LOC400499: variants seen among roughly 807,000 people sequenced by gnomAD.
At chr16:11,400,194 C>T in the LOC400499 span, among the ~76,000 whole-genome samples, 80 of 152,224 alleles carry the variant, frequency 5.3e-4, no homozygotes, top group African/African-American at 1.7e-3. Context: ...TCCCTGTCAC[C>T]CATCCCTCCC....
chr16:11,392,162 G>A, the LOC400499 span: 3 of 399,102 alleles, frequency 7.5e-6, no homozygotes, highest in Admixed American at 4.4e-5. Flanking sequence ...CAAGGTTCTC[G>A]GTGCCAGCAG....
the LOC400499 span, among the ~76,000 whole-genome samples, chr16:11,499,808 G>C: frequency 3.3e-5 from 5 of 152,130 alleles, no homozygotes; most frequent in Admixed American, 6.5e-5. Flanking sequence ...GACAAGATGG[G>C]GAGTGACAGG....
chr16:11,516,675 G>T, the LOC400499 span, among the ~76,000 whole-genome samples: 36 of 152,290 alleles, frequency 2.4e-4, no homozygotes, highest in South Asian at 6.2e-4. Flanking sequence ...TGGGAATATT[G>T]CCTTTTTTGT....
the LOC400499 span, among the ~76,000 whole-genome samples, chr16:11,415,475 A>T: frequency 6.6e-6 from 1 of 152,192 alleles, no homozygotes; most frequent in African/African-American, 2.4e-5. Context: ...CTCAAGGGAC[A>T]GCGTCCAGAG....
chr16:11,446,554 T>G, the LOC400499 span: 8 of 1,535,936 alleles, frequency 5.2e-6, no homozygotes, highest in Non-Finnish European at 7.0e-6. Flanking sequence ...TCTTACCGTG[T>G]GCTGATTCCA....
At chr16:11,404,806 G>A in the LOC400499 span, 167 of 398,908 alleles carry the variant, frequency 4.2e-4, 1 homozygote, top group Non-Finnish European at 6.0e-4. Context: ...CGCAGGACAC[G>A]GGTCCCATGA....
chr16:11,438,753 C>T, the LOC400499 span, among the ~76,000 whole-genome samples: 1 of 152,030 alleles, frequency 6.6e-6, no homozygotes, highest in African/African-American at 2.4e-5. Context: ...TATGCCACTG[C>T]ACTTCAGCCC....
At chr16:11,524,847 G>A in the LOC400499 span, among the ~76,000 whole-genome samples, 3 of 148,844 alleles carry the variant, frequency 2.0e-5, no homozygotes, top group South Asian at 2.2e-4. Flanking sequence ...GGCATCACCC[G>A]TGCCCTCCTA....
At chr16:11,411,738 G>A in the LOC400499 span, among the ~76,000 whole-genome samples, 13 of 152,094 alleles carry the variant, frequency 8.5e-5, no homozygotes, top group Admixed American at 3.9e-4. Context: ...TCCCAGCAGG[G>A]TCTGGACAGC....
At chr16:11,479,072 A>C in the LOC400499 span, among the ~76,000 whole-genome samples, 1 of 152,170 alleles carries the variant, frequency 6.6e-6, no homozygotes, top group African/African-American at 2.4e-5. Context: ...GTATATCTTC[A>C]TCAGAAGCAA....
the LOC400499 span, chr16:11,461,127 G>A: frequency 3.9e-6 from 6 of 1,530,922 alleles, no homozygotes; most frequent in Admixed American, 2.0e-5. Flanking sequence ...GTGCTGCAGG[G>A]ACAGAGAGCA....
chr16:11,495,881 G>C, the LOC400499 span, among the ~76,000 whole-genome samples: 104 of 152,230 alleles, frequency 6.8e-4, no homozygotes, highest in Non-Finnish European at 1.3e-3. Context: ...CCCAGGAGAG[G>C]CTGGCTCCCA....
chr16:11,503,486 G>A, the LOC400499 span, among the ~76,000 whole-genome samples: 1 of 152,182 alleles, frequency 6.6e-6, no homozygotes, highest in East Asian at 1.9e-4. Flanking sequence ...CCAGCTTCCT[G>A]CAGGGAAGCC....
the LOC400499 span, among the ~76,000 whole-genome samples, chr16:11,477,227 C>T: frequency 6.6e-6 from 1 of 152,338 alleles, no homozygotes; most frequent in African/African-American, 2.4e-5. Flanking sequence ...TCCCGGGTGT[C>T]TAAGTCCCAG....
the LOC400499 span, among the ~76,000 whole-genome samples, chr16:11,500,618 G>T: frequency 6.6e-6 from 1 of 152,030 alleles, no homozygotes; most frequent in Non-Finnish European, 1.5e-5. Flanking sequence ...CTTGAACCCG[G>T]AATTCTCTGA....
At chr16:11,523,023 G>C in the LOC400499 span, among the ~76,000 whole-genome samples, 1 of 152,140 alleles carries the variant, frequency 6.6e-6, no homozygotes, top group Non-Finnish European at 1.5e-5. Context: ...CAATTTCCTT[G>C]AGACAGAACC....
the LOC400499 span, among the ~76,000 whole-genome samples, chr16:11,454,636 T>C: frequency 1.1e-4 from 16 of 152,336 alleles, no homozygotes; most frequent in Admixed American, 3.9e-4. Flanking sequence ...AGAGAGAACA[T>C]GGCCCTGGTG....
At chr16:11,380,081 A>T in the LOC400499 span, among the ~76,000 whole-genome samples, 1 of 152,142 alleles carries the variant, frequency 6.6e-6, no homozygotes, top group African/African-American at 2.4e-5. Context: ...AGTAGCTGAG[A>T]CTACAAGTGC....
the LOC400499 span, among the ~76,000 whole-genome samples, chr16:11,490,882 G>A: frequency 6.6e-6 from 1 of 152,172 alleles, no homozygotes; most frequent in African/African-American, 2.4e-5. Context: ...GGGGGGAAGA[G>A]GAAGGAAGAC....
Sources: gnomAD v4.1 joint callset for allele counts (sites outside exome capture counted in the v4.1 genomes callset) on GRCh38, gnomAD v4.1.1 for gene constraint, MANE v1.5 for transcripts.